KCNMB4: variants seen among roughly 807,000 people sequenced by gnomAD.
KCNMB4 encodes the protein calcium-activated potassium channel subunit beta-4.
A neutral mutation model predicts 20.7 loss-of-function variants in KCNMB4; 3 were observed. The observed-to-expected ratio is 0.14, with a 90% CI of 0.07 to 0.37. The LOEUF is 0.37. Ranked by LOEUF, KCNMB4 falls within the 10% of genes least tolerant of loss-of-function variation. The pLI, the probability that KCNMB4 is intolerant of heterozygous loss-of-function variation, is 1.00. For synonymous variants in KCNMB4, 110 were observed against 113.4 expected (o/e 0.97, Z 0.19); for missense variants, 168 against 265.9 (o/e 0.63, Z 2.56).
rs553107669 is a variant in KCNMB4 at position 70,391,683 on chromosome 12, G to A, written c.337-8526G>A. On this transcript the variant is annotated intron_variant, in intron 1 of 2. Transcript: ENST00000258111. Reference sequence around the variant, plus strand: ...ATAGTCTGAGGTCCTCTCCACATAGGCCTTTCATGTGATCTCTCATTATGG... The same window carrying A: ...ATAGTCTGAGGTCCTCTCCACATAGACCTTTCATGTGATCTCTCATTATGG... Among the ~76,000 whole-genome samples the A allele has an allele frequency of 1.8e-4, 27 of 152,264 alleles. No individual in the cohort carries two copies. The South Asian group carries it at 1.9e-3, about 11-fold the overall frequency.
At chr12:70,401,629 A>C (rs141106835) in intron 2 of KCNMB4, among the ~76,000 whole-genome samples, 133 of 145,134 alleles carry the variant, frequency 9.2e-4, no homozygotes, top group Admixed American at 3.0e-3. Flanking sequence ...TTACTACAGC[A>C]ATGACACTTT....
chr12:70,422,434 G>T (rs532487017), intron 2 of KCNMB4, among the ~76,000 whole-genome samples: 1 of 152,312 alleles, frequency 6.6e-6, no homozygotes, highest in Admixed American at 6.5e-5. Flanking sequence ...TGGAGATAAC[G>T]TTGAACTGAT....
intron 2 of KCNMB4, among the ~76,000 whole-genome samples, chr12:70,413,252 G>A (rs1868830596): frequency 6.6e-6 from 1 of 152,182 alleles, no homozygotes; most frequent in Non-Finnish European, 1.5e-5. Flanking sequence ...TAATCAAAGT[G>A]TTTTCATGCT....
intron 2 of KCNMB4, among the ~76,000 whole-genome samples, chr12:70,425,429 C>T (rs886462765): frequency 1.3e-5 from 2 of 152,106 alleles, no homozygotes; most frequent in Non-Finnish European, 2.9e-5. Flanking sequence ...CAGAGCAAGA[C>T]CCCATCTCAA....
intron 1 of KCNMB4, among the ~76,000 whole-genome samples, chr12:70,375,278 C>T (rs1254181335): frequency 6.6e-6 from 1 of 151,962 alleles, no homozygotes; most frequent in Admixed American, 6.6e-5. Flanking sequence ...TCCTCCAAAC[C>T]GGTGGTTTTC....
At chr12:70,405,322 G>T (rs1211488482) in intron 2 of KCNMB4, among the ~76,000 whole-genome samples, 1 of 152,006 alleles carries the variant, frequency 6.6e-6, no homozygotes, top group Non-Finnish European at 1.5e-5. Context: ...TTAAAAAAAG[G>T]CTAAGGGCTT....
intron 1 of KCNMB4, among the ~76,000 whole-genome samples, chr12:70,397,712 C>A (rs1236939848): frequency 6.6e-6 from 1 of 152,156 alleles, no homozygotes; most frequent in African/African-American, 2.4e-5. Context: ...TTCTTTTAAA[C>A]CCATTTCTCC....
chr12:70,392,976 TA>T (rs548805051), intron 1 of KCNMB4, among the ~76,000 whole-genome samples: 5,434 of 152,042 alleles, frequency 0.036, 172 homozygotes, highest in African/African-American at 0.088. Context: ...TAAAATATAA[TA>T]AAAAAATAAT....
rs975953766 is a variant in KCNMB4, at chr12:70,432,034, T to TC, written c.*1381_*1382insC. 5 of 140,336 alleles carry TC rather than the reference T, an allele frequency of 3.6e-5. No homozygotes were observed. The highest frequency in any genetic ancestry group is 1.3e-4 in the African/African-American group (5 of 37,502). 8.7% of individuals were successfully genotyped at this position (140,336 alleles called of 1,614,324 possible). A position where few individuals can be genotyped will look rare whatever the true frequency, so the allele number is the denominator to read the frequency against. On this transcript the variant is annotated 3_prime_UTR_variant, in exon 3 of 3. Coordinates refer to ENST00000258111, the MANE Select transcript of KCNMB4 (RefSeq NM_014505.6). ...CATACCAATGTTTTCTTTTTTCTTT[T>TC]TTTTTTTTTTTTTTGAGATGGTGTC...
At chr12:70,410,845 G>A (rs1868754142) in intron 2 of KCNMB4, among the ~76,000 whole-genome samples, 1 of 152,126 alleles carries the variant, frequency 6.6e-6, no homozygotes, top group South Asian at 2.1e-4. Flanking sequence ...TAAATATGTT[G>A]TACTCCTGAT....
intron 1 of KCNMB4, among the ~76,000 whole-genome samples, chr12:70,374,036 T>G (rs1883643959): frequency 6.6e-6 from 1 of 152,184 alleles, no homozygotes; most frequent in Non-Finnish European, 1.5e-5. Flanking sequence ...GATCTATCTG[T>G]CTGAGATTAT....
At chr12:70,420,070 A>G (rs1869011931) in intron 2 of KCNMB4, among the ~76,000 whole-genome samples, 1 of 152,140 alleles carries the variant, frequency 6.6e-6, no homozygotes, top group African/African-American at 2.4e-5. Context: ...GTTATAAAAT[A>G]GAATTAATAG....
chr12:70,430,582 G>A lies in KCNMB4; in HGVS notation c.562G>A (p.Val188Met). ...LVTFVVGVLI[V>M]VLTICAKSLA... ...GACATTTGTGGTGGGCGTTCTCATTGTGGTCCTGACCATCTGTGCCAAGAG... is the reference window on the plus strand; with the variant it reads ...GACATTTGTGGTGGGCGTTCTCATTATGGTCCTGACCATCTGTGCCAAGAG... The change falls in exon 3 of 3, where the codon GTG (valine) becomes ATG (methionine). Residue 188 changes from valine (V) to methionine (M), a missense_variant. Physicochemically the swap from Val to Met is conservative, Grantham distance 21. Coordinates refer to ENST00000258111, the MANE Select transcript of KCNMB4 (RefSeq NM_014505.6). 2 of 1,613,986 alleles carry A rather than the reference G, an allele frequency of 1.2e-6. No individual in the cohort carries two copies. The highest frequency in any genetic ancestry group is 1.7e-6 in the Non-Finnish European group (2 of 1,179,978).
chr12:70,398,128 ACTC>A (rs1441102492), intron 1 of KCNMB4, among the ~76,000 whole-genome samples: 2 of 151,418 alleles, frequency 1.3e-5, no homozygotes, highest in Admixed American at 6.6e-5. Flanking sequence ...GACCTACCAC[ACTC>A]CTCCTCTTTG....
intron 1 of KCNMB4, among the ~76,000 whole-genome samples, chr12:70,379,125 G>A (rs1883739810): frequency 6.6e-6 from 1 of 152,148 alleles, no homozygotes. Context: ...CTAAAGCACA[G>A]GCAGAGTAGA....
At chr12:70,403,638 A>C (rs1868518693) in intron 2 of KCNMB4, among the ~76,000 whole-genome samples, 1 of 152,206 alleles carries the variant, frequency 6.6e-6, no homozygotes, top group Non-Finnish European at 1.5e-5. Context: ...AGGAACTTTA[A>C]AAAAAGAAAA....
At chr12:70,383,934 T>G (rs1443235410) in intron 1 of KCNMB4, among the ~76,000 whole-genome samples, 1 of 152,168 alleles carries the variant, frequency 6.6e-6, no homozygotes, top group African/African-American at 2.4e-5. Flanking sequence ...CTGGGCTTGA[T>G]GATGTGCACC....
intron 1 of KCNMB4, among the ~76,000 whole-genome samples, chr12:70,389,327 C>T (rs11178214): frequency 0.23 from 35,352 of 151,988 alleles, 4,604 homozygotes; most frequent in East Asian, 0.51. Flanking sequence ...TTGTAAAACC[C>T]ATTTGTATAC....
At chr12:70,389,724 G>A (rs1488126046) in intron 1 of KCNMB4, among the ~76,000 whole-genome samples, 1 of 151,872 alleles carries the variant, frequency 6.6e-6, no homozygotes, top group African/African-American at 2.4e-5. Context: ...AAATTTCGTG[G>A]GACACCCTTG....
Sources: gnomAD v4.1 joint callset for allele counts (sites outside exome capture counted in the v4.1 genomes callset) on GRCh38, gnomAD v4.1.1 for gene constraint, MANE v1.5 for transcripts, NCBI Gene and HGNC (gene_info 2026-07-23, HGNC 2026-07-21) for gene names.